The following PCDH15 variants were observed in gnomAD, a reference collection of about 807,000 sequenced individuals.
The protein encoded by PCDH15 is protocadherin-15.
Under a neutral mutation model 178.5 loss-of-function variants are expected in PCDH15, and 129 were observed. That is an observed-to-expected ratio of 0.72 (90% CI 0.63 to 0.84). The LOEUF (loss-of-function observed/expected upper bound fraction) is 0.84, where lower values mean the gene tolerates loss of function less well. PCDH15 is among the 40% of genes least tolerant of loss of function. The pLI, the probability that PCDH15 is intolerant of heterozygous loss-of-function variation, is 0.00. For synonymous variants in PCDH15, 800 were observed against 732.0 expected, an observed-to-expected ratio of 1.09 and a Z score of -1.50; for missense variants, 2,230 against 2,099.9, an observed-to-expected ratio of 1.06 and a Z score of -1.21.
rs1227676779 is a variant in PCDH15, at chr10:55,307,636, A to AT, written c.-156+11962dup. On this transcript the variant is annotated intron_variant, in intron 1 of 5. Coordinates refer to the PCDH15 transcript ENST00000458638. ...TTCTTCTCTCTCTCTCTGCCTCTCT[A>AT]TTTTTTTCTTTTTCCTTATTGTTAT... 2.7e-5 allele frequency among the ~76,000 whole-genome samples: 4 copies of AT among 150,164 alleles called. No individual in the cohort carries two copies. In the South Asian group the frequency reaches 6.3e-4, roughly 24 times the overall value.
At position 55,536,184 on chromosome 10, in the gene PCDH15, T is replaced by G. The variant is rs1166612442; in HGVS notation, c.-156+91441A>C. Among the ~76,000 whole-genome samples, 6 of 152,206 alleles carry G rather than the reference T, an allele frequency of 3.9e-5. No homozygotes were observed. The East Asian group carries it at 1.2e-3, about 29-fold the overall frequency. ...ATATTCAAGAAATAAATTACAAGATTTAAAACATCAAGATATGAAACTGAT... is the reference window on the plus strand; with the variant it reads ...ATATTCAAGAAATAAATTACAAGATGTAAAACATCAAGATATGAAACTGAT... On this transcript the variant is annotated intron_variant, in intron 2 of 5. Coordinates refer to the PCDH15 transcript ENST00000613346.
intron 18 of PCDH15, among the ~76,000 whole-genome samples, chr10:54,056,606 T>C (rs888181263): frequency 6.6e-6 from 1 of 152,088 alleles, no homozygotes; most frequent in Non-Finnish European, 1.5e-5. Flanking sequence ...CCTTGACACA[T>C]GGGGATTATA....
chr10:54,216,847 T>C (rs1452792622), intron 9 of PCDH15, among the ~76,000 whole-genome samples: 1 of 152,156 alleles, frequency 6.6e-6, no homozygotes, highest in East Asian at 1.9e-4. Context: ...TATACATCAA[T>C]AGTGGTCTGG....
upstream of PCDH15, among the ~76,000 whole-genome samples, chr10:55,323,944 G>A (rs996261030): frequency 1.1e-4 from 16 of 152,264 alleles, no homozygotes; most frequent in African/African-American, 3.9e-4. Context: ...CATCAAGGAT[G>A]GGGCCAGGTG....
intron 3 of PCDH15, among the ~76,000 whole-genome samples, chr10:54,496,528 C>T (rs1478563114): frequency 1.3e-5 from 2 of 152,158 alleles, no homozygotes; most frequent in African/African-American, 4.8e-5. Flanking sequence ...GAGCTGCCCA[C>T]TCCAGAGTTC....
intron 1 of PCDH15, among the ~76,000 whole-genome samples, chr10:55,192,572 G>C (rs1839972315): frequency 6.6e-6 from 1 of 151,586 alleles, no homozygotes; most frequent in Admixed American, 6.6e-5. Context: ...GAGTTTCAAA[G>C]ACTAATCCCA....
At chr10:54,320,403 A>G (rs376382647) in intron 7 of PCDH15, among the ~76,000 whole-genome samples, 2 of 152,146 alleles carry the variant, frequency 1.3e-5, no homozygotes, top group Admixed American at 6.6e-5. Flanking sequence ...AGCTGTGTAT[A>G]TGCACTCCCA....
chr10:55,256,974 G>A (rs1043376630), intron 1 of PCDH15, among the ~76,000 whole-genome samples: 5 of 152,174 alleles, frequency 3.3e-5, no homozygotes, highest in East Asian at 1.9e-4. Context: ...AGGCACCCCC[G>A]AGTAGGGGCA....
intron 2 of PCDH15, among the ~76,000 whole-genome samples, chr10:55,354,270 G>C (rs1372315255): frequency 6.6e-6 from 1 of 152,038 alleles, no homozygotes; most frequent in African/African-American, 2.4e-5. Context: ...TCTGATCCCT[G>C]AAAACAATCA....
chr10:54,662,345 A>G (rs1476894716), intron 2 of PCDH15, among the ~76,000 whole-genome samples: 1 of 151,968 alleles, frequency 6.6e-6, no homozygotes, highest in Non-Finnish European at 1.5e-5. Flanking sequence ...TACAACAAAA[A>G]TGAGACACCA....
At chr10:55,167,816 G>A (rs1308510924) in intron 1 of PCDH15, among the ~76,000 whole-genome samples, 1 of 152,044 alleles carries the variant, frequency 6.6e-6, no homozygotes, top group Non-Finnish European at 1.5e-5. Context: ...GTGATCTGCT[G>A]AATAAGTGGA....
intron 1 of PCDH15, among the ~76,000 whole-genome samples, chr10:54,702,329 C>T (rs188852320): frequency 6.6e-6 from 1 of 151,698 alleles, no homozygotes; most frequent in African/African-American, 2.4e-5. Flanking sequence ...TAAACAAACC[C>T]TAAAGCTAGC....
At chr10:54,433,303 T>C (rs929393123) in intron 3 of PCDH15, among the ~76,000 whole-genome samples, 1 of 152,160 alleles carries the variant, frequency 6.6e-6, no homozygotes, top group Non-Finnish European at 1.5e-5. Flanking sequence ...AAAGCCAAGA[T>C]TTGGAGGCAA....
chr10:54,140,702 C>T (rs1032714946), intron 14 of PCDH15, among the ~76,000 whole-genome samples: 7 of 151,462 alleles, frequency 4.6e-5, no homozygotes, highest in African/African-American at 1.2e-4. Context: ...CTCCTGACCT[C>T]GTGATCCACT....
At chr10:55,458,025 A>G (rs1225002040) in intron 2 of PCDH15, among the ~76,000 whole-genome samples, 2 of 152,066 alleles carry the variant, frequency 1.3e-5, no homozygotes, top group Non-Finnish European at 2.9e-5. Context: ...ATGCATATAT[A>G]GAGGATTAAA....
intron 2 of PCDH15, among the ~76,000 whole-genome samples, chr10:55,107,434 C>A (rs1403104514): frequency 1.3e-5 from 2 of 151,338 alleles, no homozygotes; most frequent in South Asian, 2.1e-4. Context: ...TGAATTTTTA[C>A]CACAAATATT....
intron 3 of PCDH15, among the ~76,000 whole-genome samples, chr10:54,383,160 C>A (rs1028538189): frequency 2.7e-5 from 4 of 150,802 alleles, no homozygotes; most frequent in Non-Finnish European, 4.4e-5. Flanking sequence ...ACATTATCAA[C>A]AAAATGATTT....
chr10:55,511,008 C>A (rs534337493), intron 2 of PCDH15, among the ~76,000 whole-genome samples: 2 of 151,108 alleles, frequency 1.3e-5, no homozygotes, highest in South Asian at 2.1e-4. Context: ...CACAGACATG[C>A]ACCAACATGA....
chr10:54,144,911 C>T (rs36109570), intron 14 of PCDH15, among the ~76,000 whole-genome samples: 17 of 151,936 alleles, frequency 1.1e-4, no homozygotes, highest in South Asian at 8.3e-4. Flanking sequence ...TTTCTCCCTA[C>T]GTCCTACAAG....
Sources: gnomAD v4.1 joint callset for allele counts (sites outside exome capture counted in the v4.1 genomes callset) on GRCh38, gnomAD v4.1.1 for gene constraint, MANE v1.5 for transcripts, NCBI Gene and HGNC (gene_info 2026-07-23, HGNC 2026-07-21) for gene names.